GABRA3: variants seen among roughly 807,000 people sequenced by gnomAD.
The protein encoded by GABRA3 is gamma-aminobutyric acid receptor subunit alpha-3.
A neutral mutation model predicts 30.1 loss-of-function variants in GABRA3; 10 were observed. The ratio of observed to expected loss-of-function variants is 0.33; its 90% CI spans 0.20 to 0.56. GABRA3 has a LOEUF of 0.56. Among genes scored for constraint, GABRA3 ranks in the 20% least tolerant of loss-of-function variants. The pLI is 0.89. For missense variants in GABRA3, 233 were observed against 392.0 expected, an observed-to-expected ratio of 0.59 and a Z score of 3.42; for synonymous variants, 151 against 146.8, an observed-to-expected ratio of 1.03 and a Z score of -0.21.
chrX:152,170,434 C>T (rs931338548), intron 9 of GABRA3, among the ~76,000 whole-genome samples: 7 of 112,355 alleles, frequency 6.2e-5, no homozygotes, highest in Admixed American at 2.8e-4. Flanking sequence ...CCGCCTCAGG[C>T]TCCTGAGTAG....
At chrX:152,365,079 A>C (rs1318114731) in intron 1 of GABRA3, among the ~76,000 whole-genome samples, 2 of 111,734 alleles carry the variant, frequency 1.8e-5, no homozygotes, top group Non-Finnish European at 3.8e-5. Flanking sequence ...TAACTGTGTA[A>C]TATCGTAGAG....
At chrX:152,325,952 T>A (rs774840137) in intron 3 of GABRA3, among the ~76,000 whole-genome samples, 1 of 110,732 alleles carries the variant, frequency 9.0e-6, no homozygotes, top group Non-Finnish European at 1.9e-5. Context: ...GCTAAAAACC[T>A]TGAAAAAAGA....
chrX:152,324,319 G>A (rs1305859935), intron 3 of GABRA3, among the ~76,000 whole-genome samples: 2 of 112,079 alleles, frequency 1.8e-5, no homozygotes, highest in Admixed American at 9.5e-5. Flanking sequence ...ACAAAAATAC[G>A]TAAGCTTTGG....
At chrX:152,282,944 T>C (rs1569381782) in intron 4 of GABRA3, among the ~76,000 whole-genome samples, 3 of 111,267 alleles carry the variant, frequency 2.7e-5, no homozygotes, top group South Asian at 7.6e-4. Flanking sequence ...GTGAGAAGAG[T>C]CACTTCATTT....
chrX:152,425,662 T>G (rs1930499180), intron 1 of GABRA3, among the ~76,000 whole-genome samples: 1 of 111,031 alleles, frequency 9.0e-6, no homozygotes, highest in Admixed American at 9.6e-5. Flanking sequence ...ACATGATTGT[T>G]TTTTATGTTG....
intron 4 of GABRA3, among the ~76,000 whole-genome samples, chrX:152,275,216 A>ATATATATAATT (rs1569378249): frequency 1.6e-4 from 8 of 49,648 alleles, no homozygotes; most frequent in Admixed American, 9.0e-4. Context: ...ATATAATATT[A>ATATATATAATT]TATATATATA....
At chrX:152,283,372 C>T (rs1341950696) in intron 4 of GABRA3, among the ~76,000 whole-genome samples, 3 of 111,498 alleles carry the variant, frequency 2.7e-5, no homozygotes, top group African/African-American at 9.8e-5. Flanking sequence ...CTAATGTACC[C>T]TTCTCTTTAC....
intron 1 of GABRA3, among the ~76,000 whole-genome samples, chrX:152,434,698 T>C (rs928472475): frequency 1.1e-4 from 12 of 111,796 alleles, no homozygotes; most frequent in Admixed American, 6.6e-4. Flanking sequence ...CATGACCAAA[T>C]AGAATGGTTC....
intron 5 of GABRA3, among the ~76,000 whole-genome samples, chrX:152,236,904 CA>C (rs1424814202): frequency 9.6e-6 from 1 of 103,973 alleles, no homozygotes; most frequent in Non-Finnish European, 2.0e-5. Context: ...AGCCCTTTGT[CA>C]GATGAGTAGG....
intron 4 of GABRA3, among the ~76,000 whole-genome samples, chrX:152,270,483 G>C (rs1303255306): frequency 9.0e-6 from 1 of 111,540 alleles, no homozygotes; most frequent in Non-Finnish European, 1.9e-5. Flanking sequence ...GGGTGCTGCT[G>C]TAAGTATACC....
Position 152,235,197 on chromosome X carries a change from G to A in GABRA3, c.552-10352C>T, listed in dbSNP as rs573347892. ...AGATCTTTCACCTCCTTGGTTAAAC[G>A]TATTCCTACATACTTTTTGTAGCTA... is the stretch of plus-strand genomic sequence containing the variant. On this transcript the variant is annotated intron_variant, in intron 5 of 9. Transcript: ENST00000370314. 2.7e-5 allele frequency among the ~76,000 whole-genome samples: 3 copies of A among 111,522 alleles called. No homozygotes were observed. In the South Asian group the frequency reaches 1.1e-3, roughly 41 times the overall value.
chrX:152,409,673 A>G (rs1930021446), intron 1 of GABRA3, among the ~76,000 whole-genome samples: 1 of 112,002 alleles, frequency 8.9e-6, no homozygotes, highest in Admixed American at 9.5e-5. Context: ...AATACCAAAA[A>G]AAATCTGATT....
At chrX:152,241,309 C>G (rs1412636995) in intron 5 of GABRA3, among the ~76,000 whole-genome samples, 11 of 57,048 alleles carry the variant, frequency 1.9e-4, no homozygotes, top group African/African-American at 4.1e-4. Flanking sequence ...TTAGGCTGCT[C>G]AGGGGTCAGG....
intron 9 of GABRA3, among the ~76,000 whole-genome samples, chrX:152,175,461 G>A (rs1306607181): frequency 1.8e-5 from 2 of 111,430 alleles, no homozygotes; most frequent in Non-Finnish European, 3.8e-5. Context: ...AGGAATAAAT[G>A]GTAAAACACA....
intron 3 of GABRA3, among the ~76,000 whole-genome samples, chrX:152,327,742 G>A (rs1940087832): frequency 9.0e-6 from 1 of 111,691 alleles, no homozygotes; most frequent in Non-Finnish European, 1.9e-5. Context: ...GCCCACAAGA[G>A]AAAGCAGGAA....
At chrX:152,435,072 A>T (rs1397302493) in intron 1 of GABRA3, among the ~76,000 whole-genome samples, 1 of 111,878 alleles carries the variant, frequency 8.9e-6, no homozygotes, top group Non-Finnish European at 1.9e-5. Context: ...AATAATATAA[A>T]TACAGCAAGA....
At chrX:152,369,591 T>C (rs1928772498) in intron 1 of GABRA3, among the ~76,000 whole-genome samples, 1 of 111,298 alleles carries the variant, frequency 9.0e-6, no homozygotes. Context: ...ATATAATTTG[T>C]TCCGTCACTT....
chrX:152,300,355 G>A (rs1052018950), intron 3 of GABRA3, among the ~76,000 whole-genome samples: 2 of 111,197 alleles, frequency 1.8e-5, no homozygotes, highest in African/African-American at 6.6e-5. Context: ...CCCACAGAAC[G>A]CAAGGCAGAA....
chrX:152,418,519 G>C (rs1930291980), intron 1 of GABRA3, among the ~76,000 whole-genome samples: 1 of 111,630 alleles, frequency 9.0e-6, no homozygotes, highest in Non-Finnish European at 1.9e-5. Flanking sequence ...GGATACAACA[G>C]AGCCATTATC....
Sources: allele counts gnomAD v4.1 joint callset (sites outside exome capture counted in the v4.1 genomes callset), GRCh38; gene constraint gnomAD v4.1.1; transcripts MANE v1.5; gene names NCBI Gene and HGNC (gene_info 2026-07-23, HGNC 2026-07-21).